Variants in DMXL2 observed in about 807,000 individuals in gnomAD.
The protein encoded by DMXL2 is Dmx like 2.
In DMXL2, 103 loss-of-function variants were observed where a neutral mutation model predicts 331.1. The ratio of observed to expected loss-of-function variants is 0.31; its 90% confidence interval spans 0.27 to 0.37. DMXL2 has a LOEUF of 0.37. Ranked by LOEUF, DMXL2 falls within the 10% of genes least tolerant of loss-of-function variation. The pLI is 1.00. For missense variants in DMXL2, 3,171 were observed against 3,642.9 expected, an observed-to-expected ratio of 0.87 and a Z score of 3.33; for synonymous variants, 1,281 against 1,252.1, an observed-to-expected ratio of 1.02 and a Z score of -0.49.
chr15:51,523,044 T>C (rs924017676), intron 13 of DMXL2, among the ~76,000 whole-genome samples: 4 of 152,222 alleles, frequency 2.6e-5, no homozygotes, highest in Non-Finnish European at 4.4e-5. Flanking sequence ...ACAATATTTA[T>C]AGCTTTCAAG....
At chr15:51,521,461 A>G (rs1166903297) in intron 13 of DMXL2, among the ~76,000 whole-genome samples, 1,948 of 111,552 alleles carry the variant, frequency 0.017, 46 homozygotes, top group African/African-American at 0.057. Context: ...TAGTAGTAGT[A>G]GTGGTAGTGG....
chr15:51,562,239 C>G (rs879782143), intron 6 of DMXL2, among the ~76,000 whole-genome samples: 2 of 151,912 alleles, frequency 1.3e-5, no homozygotes. Context: ...ATATATATAT[C>G]AATTAAAAAG....
chr15:51,465,673 G>C, intron 30 of DMXL2, 22 bp from the exon 31 acceptor site: 2 of 1,494,364 alleles, frequency 1.3e-6, no homozygotes, highest in Non-Finnish European at 1.8e-6. Context: ...GGGGCAAAAA[G>C]AGTCTTTAAG....
chr15:51,545,998 A>T (rs572145666), intron 7 of DMXL2, among the ~76,000 whole-genome samples: 1 of 152,306 alleles, frequency 6.6e-6, no homozygotes, highest in African/African-American at 2.4e-5. Flanking sequence ...TTCAGGCTCT[A>T]GAGGATTATT....
intron 28 of DMXL2, among the ~76,000 whole-genome samples, chr15:51,473,860 T>G (rs1257709417): frequency 6.6e-6 from 1 of 152,212 alleles, no homozygotes; most frequent in African/African-American, 2.4e-5. Context: ...AAATAGAATT[T>G]AAAAACTGTG....
intron 1 of DMXL2, among the ~76,000 whole-genome samples, chr15:51,585,765 T>G (rs1322883849): frequency 6.6e-6 from 1 of 152,222 alleles, no homozygotes; most frequent in Non-Finnish European, 1.5e-5. Context: ...CTGTTCTAAT[T>G]TGTATTTTTA....
Position 51,507,314 on chromosome 15 carries a change from T to G in DMXL2, c.2645-61A>C, listed in dbSNP as rs975839869. Reference sequence around the variant, plus strand: ...TGTTTTTATGGGGTTAAAAAAACACTTTTTAAAAGCTACCACCACCTCTTG... The same window carrying G: ...TGTTTTTATGGGGTTAAAAAAACACGTTTTAAAAGCTACCACCACCTCTTG... On this transcript the variant is annotated intron_variant, in intron 15 of 43. Transcript: ENST00000560891. 2.0e-6 allele frequency: 3 copies of G among 1,485,746 alleles called. No homozygotes were observed. In the African/African-American group the frequency reaches 4.3e-5, roughly 21 times the overall value. The allele number at this position is 1,485,746 out of a possible 1,614,324, so 92.0% of individuals were successfully genotyped here. A position where few individuals can be genotyped will look rare whatever the true frequency, so the allele number is the denominator to read the frequency against.
In DMXL2 at chr15:51,478,343, T is replaced by A; in HGVS notation, c.6761A>T (p.His2254Leu). The stretch of plus-strand genomic sequence containing the variant: ...TGATGCTGCTAGTGAATGAAGTGTG[T>A]GCACCTAAAACCAAAACAGTCACAA... Reference protein sequence around the residue: ...PHPSIEDVKVHTLHSLAASLS... With the variant: ...PHPSIEDVKVLTLHSLAASLS... The change falls in exon 26 of 44, where the codon CAC becomes CTC. Residue 2254 changes from histidine to leucine, a missense_variant. By Grantham distance (99) the His-to-Leu change is moderately conservative (BLOSUM62 -3). Coordinates refer to ENST00000560891, the MANE Select transcript of DMXL2 (RefSeq NM_001378457.1). 6.2e-7 allele frequency: 1 copy of A among 1,613,048 alleles called. No individual in the cohort carries two copies. Among genetic ancestry groups the A allele is most frequent in the African/African-American group, 1.3e-5 (1 of 74,996 alleles).
At chr15:51,619,408 ACTGC>A (rs2054491197) in intron 1 of DMXL2, among the ~76,000 whole-genome samples, 1 of 152,234 alleles carries the variant, frequency 6.6e-6, no homozygotes, top group South Asian at 2.1e-4. Flanking sequence ...ACAGCTGTAT[ACTGC>A]CTAAACACAA....
intron 32 of DMXL2, among the ~76,000 whole-genome samples, 172 bp downstream of exon 32, chr15:51,464,503 C>T (rs1336499697): frequency 6.6e-6 from 1 of 152,102 alleles, no homozygotes; most frequent in Non-Finnish European, 1.5e-5. Context: ...ACAGATAATA[C>T]TGGGAAAAAT....
At chr15:51,553,227 A>G (rs1434671526) in intron 6 of DMXL2, among the ~76,000 whole-genome samples, 3 of 152,350 alleles carry the variant, frequency 2.0e-5, no homozygotes, top group East Asian at 1.9e-4. Flanking sequence ...CATCTTCATC[A>G]TAAGACTGCC....
chr15:51,471,188 C>T (rs1390111632), intron 29 of DMXL2, 35 bp downstream of exon 29: 1 of 1,579,294 alleles, frequency 6.3e-7, no homozygotes, highest in Non-Finnish European at 8.6e-7. Flanking sequence ...AGATGATAGA[C>T]TTCTCTTAAA....
intron 29 of DMXL2, among the ~76,000 whole-genome samples, chr15:51,469,351 C>T (rs1311361230): frequency 6.6e-6 from 1 of 152,042 alleles, no homozygotes; most frequent in Non-Finnish European, 1.5e-5. Flanking sequence ...ATAAAAGATT[C>T]ATATGCTATT....
chr15:51,474,170 A>C (rs1390036035), intron 28 of DMXL2, among the ~76,000 whole-genome samples, 174 bp downstream of exon 28: 1 of 152,240 alleles, frequency 6.6e-6, no homozygotes, highest in East Asian at 1.9e-4. Context: ...AAATAAAAGT[A>C]ACAAACTATA....
intron 13 of DMXL2, among the ~76,000 whole-genome samples, chr15:51,520,799 G>A (rs1398686843): frequency 6.6e-6 from 1 of 152,166 alleles, no homozygotes; most frequent in African/African-American, 2.4e-5. Flanking sequence ...AGAGGTTGCA[G>A]TGAGCTGAGA....
intron 9 of DMXL2, among the ~76,000 whole-genome samples, chr15:51,539,784 T>A (rs565655608): frequency 1.4e-4 from 21 of 152,182 alleles, no homozygotes; most frequent in South Asian, 4.1e-4. Flanking sequence ...GACCCTGTCC[T>A]CCTCCGCCCA....
At chr15:51,615,981 A>G (rs1270882133) in intron 1 of DMXL2, among the ~76,000 whole-genome samples, 1 of 152,244 alleles carries the variant, frequency 6.6e-6, no homozygotes, top group Non-Finnish European at 1.5e-5. Context: ...TCACAAGAAG[A>G]AAACACTACT....
intron 3 of DMXL2, chr15:51,567,400 T>C (rs2050363621): frequency 1.3e-5 from 2 of 152,272 alleles, no homozygotes; most frequent in South Asian, 4.1e-4. Flanking sequence ...CCTACCCTTA[T>C]GTACCTTTAG....
intron 1 of DMXL2, among the ~76,000 whole-genome samples, chr15:51,598,702 C>A (rs779614354): frequency 6.6e-6 from 1 of 152,176 alleles, no homozygotes; most frequent in Non-Finnish European, 1.5e-5. Flanking sequence ...GGGTTTGGGG[C>A]AGGAATACCA....
Sources: gnomAD v4.1 joint callset for allele counts (sites outside exome capture counted in the v4.1 genomes callset) on GRCh38, gnomAD v4.1.1 for gene constraint, MANE v1.5 for transcripts, NCBI Gene and HGNC (gene_info 2026-07-23, HGNC 2026-07-21) for gene names.